Variants in MKLN1 observed in about 807,000 individuals in gnomAD.
MKLN1 encodes the protein muskelin.
A neutral mutation model predicts 99.0 loss-of-function variants in MKLN1; 18 were observed. The observed-to-expected ratio is 0.18, with a 90% CI of 0.13 to 0.27. The LOEUF is 0.27. Ranked by LOEUF, MKLN1 falls within the 10% of genes least tolerant of loss-of-function variation. MKLN1 has a pLI of 1.00. For synonymous variants in MKLN1, 288 were observed against 293.2 expected (o/e 0.98, Z 0.18); for missense variants, 621 against 875.9 (o/e 0.71, Z 3.67).
At chr7:131,365,604 C>T (rs1377034591) in intron 1 of MKLN1, among the ~76,000 whole-genome samples, 7 of 151,930 alleles carry the variant, frequency 4.6e-5, no homozygotes, top group Non-Finnish European at 5.9e-5. Flanking sequence ...TAATCTATCT[C>T]GAGTTGATTT....
intron 5 of MKLN1, among the ~76,000 whole-genome samples, chr7:131,397,654 A>T (rs997461517): frequency 1.3e-5 from 2 of 152,140 alleles, no homozygotes; most frequent in African/African-American, 4.8e-5. Flanking sequence ...GGATCACACA[A>T]TTGTAAAGTG....
intron 2 of MKLN1, among the ~76,000 whole-genome samples, chr7:131,382,972 C>CT (rs1793897904): frequency 6.6e-6 from 1 of 152,154 alleles, no homozygotes. Flanking sequence ...ATCGACCCTC[C>CT]TTGGCCTCCC....
intron 3 of MKLN1, among the ~76,000 whole-genome samples, chr7:131,290,181 T>G (rs954672277): frequency 2.0e-5 from 3 of 152,178 alleles, no homozygotes; most frequent in African/African-American, 7.2e-5. Context: ...GGCAGGTGCC[T>G]GTAATCCCAG....
intron 12 of MKLN1, among the ~76,000 whole-genome samples, chr7:131,449,716 C>G (rs1796123505): frequency 6.6e-6 from 1 of 151,914 alleles, no homozygotes; most frequent in South Asian, 2.1e-4. Context: ...ATTCTTTTTC[C>G]CATGTCCCTT....
At chr7:131,379,739 G>GT (rs1793781719) in intron 2 of MKLN1, among the ~76,000 whole-genome samples, 2 of 152,182 alleles carry the variant, frequency 1.3e-5, no homozygotes, top group Non-Finnish European at 2.9e-5. Flanking sequence ...AAGGATAAAT[G>GT]TTTGAGGTTA....
rs145705670 is a variant in MKLN1 at position 131,330,551 on chromosome 7, A to G, written c.98+2554A>G. ...GCCTAAGGTCACACAGCTAGATGGAACCAGAATTTGAATCAAGGTAGTCAG... is the reference window on the plus strand; with the variant it reads ...GCCTAAGGTCACACAGCTAGATGGAGCCAGAATTTGAATCAAGGTAGTCAG... On this transcript the variant is annotated intron_variant, in intron 1 of 17. Transcript: ENST00000352689. Among the ~76,000 whole-genome samples, 648 of 152,326 alleles carry G rather than the reference A, an allele frequency of 4.3e-3. 3 individuals are homozygous for G. The highest frequency in any genetic ancestry group is 0.013 in the African/African-American group (544 of 41,574).
At chr7:131,233,015 T>C (rs1797265449) in intron 3 of MKLN1, among the ~76,000 whole-genome samples, 1 of 151,954 alleles carries the variant, frequency 6.6e-6, no homozygotes, top group African/African-American at 2.4e-5. Flanking sequence ...AAATAATAAG[T>C]ACAAAGAAAG....
intron 2 of MKLN1, among the ~76,000 whole-genome samples, chr7:131,385,209 C>T (rs750136717): frequency 6.6e-5 from 10 of 152,144 alleles, no homozygotes; most frequent in Non-Finnish European, 1.3e-4. Context: ...CTTCATATGG[C>T]GGAATACTAC....
rs1243598321 is a variant in MKLN1 at position 131,411,309 on chromosome 7, G to A, written c.707G>A (p.Gly236Asp). The A allele has an allele frequency of 6.3e-7, 1 of 1,596,502 alleles. No individual in the cohort carries two copies. The highest frequency in any genetic ancestry group is 1.3e-5 in the African/African-American group (1 of 74,566). ...TCTCATTCTTCAATATTTGCAGATG[G>A]CTTGTTCAATCAGTATATCAGTCAA... is the stretch of plus-strand genomic sequence containing the variant. ...EELIEKAVND[G>D]LFNQYISQQE... The change falls in exon 7 of 18, where the codon GGC (glycine) becomes GAC (aspartate). Residue 236 changes from glycine to aspartate, a missense_variant. Around this residue, in one of 8 missense-constraint regions of MKLN1, gnomAD observed 361 missense variants for 540.8 expected, o/e 0.67. Coordinates refer to ENST00000352689, the MANE Select transcript of MKLN1 (RefSeq NM_013255.5).
intron 1 of MKLN1, among the ~76,000 whole-genome samples, chr7:131,133,673 A>G (rs886584761): frequency 2.0e-5 from 3 of 151,238 alleles, no homozygotes; most frequent in Non-Finnish European, 4.4e-5. Flanking sequence ...TTTTTTTTAT[A>G]GATGGGGTCT....
intron 1 of MKLN1, among the ~76,000 whole-genome samples, chr7:131,368,082 A>C (rs932264823): frequency 1.3e-5 from 2 of 152,176 alleles, no homozygotes; most frequent in Non-Finnish European, 2.9e-5. Flanking sequence ...ATAGAATACT[A>C]CTATGGCAAT....
intron 2 of MKLN1, among the ~76,000 whole-genome samples, chr7:131,155,166 A>G (rs1795945603): frequency 1.3e-5 from 2 of 152,190 alleles, no homozygotes; most frequent in African/African-American, 4.8e-5. Context: ...TGGCTCCTTA[A>G]AAGTCCTACT....
At chr7:131,307,744 A>C (rs1798489458) in intron 3 of MKLN1, among the ~76,000 whole-genome samples, 1 of 152,184 alleles carries the variant, frequency 6.6e-6, no homozygotes, top group Non-Finnish European at 1.5e-5. Context: ...TCTTGGAAGT[A>C]ACTAACTTGT....
chr7:131,452,658 C>G (rs1328661279), intron 12 of MKLN1, among the ~76,000 whole-genome samples: 2 of 141,290 alleles, frequency 1.4e-5, no homozygotes, highest in Non-Finnish European at 3.0e-5. Flanking sequence ...TCAAGCGATT[C>G]TCCTGCCTCA....
At chr7:131,369,167 C>T (rs1447948241) in intron 1 of MKLN1, among the ~76,000 whole-genome samples, 3 of 152,078 alleles carry the variant, frequency 2.0e-5, no homozygotes, top group Non-Finnish European at 4.4e-5. Flanking sequence ...TTGATCATTT[C>T]CTTGCTACTT....
chr7:131,441,638 G>A (rs928877597), intron 10 of MKLN1, among the ~76,000 whole-genome samples: 1 of 152,052 alleles, frequency 6.6e-6, no homozygotes, highest in African/African-American at 2.4e-5. Flanking sequence ...AATATTAAAA[G>A]GTTTCTTGGT....
chr7:131,159,064 C>T (rs899905087), intron 2 of MKLN1, among the ~76,000 whole-genome samples: 1 of 152,082 alleles, frequency 6.6e-6, no homozygotes, highest in Non-Finnish European at 1.5e-5. Context: ...GGTGTGGTGG[C>T]ACACCTGTAG....
At chr7:131,422,848 A>C (rs1795246509) in intron 8 of MKLN1, among the ~76,000 whole-genome samples, 1 of 152,004 alleles carries the variant, frequency 6.6e-6, no homozygotes, top group South Asian at 2.1e-4. Flanking sequence ...CTTCCCTCCT[A>C]AGGGAATCCT....
intron 1 of MKLN1, among the ~76,000 whole-genome samples, chr7:131,136,045 G>T (rs141957373): frequency 1.1e-4 from 16 of 152,274 alleles, no homozygotes; most frequent in African/African-American, 1.7e-4. Context: ...CTGTTTATGA[G>T]TTCTGTTGTG....
Sources: allele counts gnomAD v4.1 joint callset (sites outside exome capture counted in the v4.1 genomes callset), GRCh38; gene constraint gnomAD v4.1.1; regional missense constraint gnomAD v4.1.1; transcripts MANE v1.5; gene names NCBI Gene and HGNC (gene_info 2026-07-23, HGNC 2026-07-21).